The following BCAS3 variants were observed in gnomAD, a reference collection of about 807,000 sequenced individuals.
The protein encoded by BCAS3 is BCAS3 microtubule associated cell migration factor, also known as BCAS4/BCAS3 fusion.
A neutral mutation model predicts 116.1 loss-of-function variants in BCAS3; 53 were observed. That is an observed-to-expected ratio of 0.46 (90% confidence interval 0.37 to 0.57). The LOEUF (loss-of-function observed/expected upper bound fraction) is 0.57, where lower values mean the gene tolerates loss of function less well. BCAS3 is among the 20% of genes least tolerant of loss of function. The probability of loss-of-function intolerance (pLI) is 0.00; values close to 1 mark genes in which losing one functional copy is unlikely to be tolerated. For missense variants in BCAS3, 917 were observed against 1,165.4 expected, an observed-to-expected ratio of 0.79 and a Z score of 3.10; for synonymous variants, 391 against 408.2, an observed-to-expected ratio of 0.96 and a Z score of 0.51.
Position 60,774,256 on chromosome 17 carries a change from AT to A in BCAS3, c.403+26984del, listed in dbSNP as rs1334838765. ...CTAATGTTGTTAACCCATCCAGTGTATTTTTTTCTCTCAGACACTGCATTTT... is the reference window on the plus strand; with the variant it reads ...CTAATGTTGTTAACCCATCCAGTGTATTTTTTCTCTCAGACACTGCATTTT... On this transcript the variant is annotated intron_variant, in intron 6 of 23. Transcript: ENST00000407086. Among the ~76,000 whole-genome samples, 3 of 151,340 alleles carry A rather than the reference AT, an allele frequency of 2.0e-5. No individual in the cohort carries two copies. In the East Asian group the frequency reaches 5.8e-4, roughly 29 times the overall value.
At chr17:61,067,310 TATA>T (rs2070772861) in intron 19 of BCAS3, among the ~76,000 whole-genome samples, 6 of 136,510 alleles carry the variant, frequency 4.4e-5, no homozygotes, top group Non-Finnish European at 7.8e-5. Flanking sequence ...TATATATATA[TATA>T]TATTTATACA....
chr17:61,110,073 A>T (rs1426294510), intron 22 of BCAS3, among the ~76,000 whole-genome samples: 1 of 152,212 alleles, frequency 6.6e-6, no homozygotes, highest in African/African-American at 2.4e-5. Flanking sequence ...TTATGGTTTC[A>T]GGTCTTAGAT....
In BCAS3 at chr17:61,344,011, G is replaced by A. The variant is rs1398503991; in HGVS notation, c.2426-24316G>A. ...GAGTTGGCCAGATGAAATGTGGTTG[G>A]CAAGAAGGTCCTGAGTGTGCTGAGA... On this transcript the variant is annotated intron_variant, in intron 22 of 23. Transcript: ENST00000407086. This position sits in a 1 kb window ranked among gnomAD's most constrained non-coding sequence, Gnocchi z 4.1. 6.6e-6 allele frequency among the ~76,000 whole-genome samples: 1 copy of A among 152,164 alleles called. No homozygotes were observed. The highest frequency in any genetic ancestry group is 2.4e-5 in the African/African-American group (1 of 41,444).
At chr17:61,238,931 A>G (rs879503650) in intron 22 of BCAS3, among the ~76,000 whole-genome samples, 6 of 152,226 alleles carry the variant, frequency 3.9e-5, no homozygotes, top group Non-Finnish European at 4.4e-5. Context: ...CTTCATGGCT[A>G]GAAATAGCAA....
chr17:61,152,019 G>A (rs541301781), intron 22 of BCAS3, among the ~76,000 whole-genome samples: 1 of 152,328 alleles, frequency 6.6e-6, no homozygotes, highest in South Asian at 2.1e-4. Flanking sequence ...TTATAGTAGT[G>A]TGTCTGGAGT....
At chr17:61,067,271 G>GTATATATATATATATATA (rs1473028118) in intron 19 of BCAS3, among the ~76,000 whole-genome samples, 4 of 55,128 alleles carry the variant, frequency 7.3e-5, no homozygotes, top group African/African-American at 3.0e-4. Flanking sequence ...ATGTGTGTAT[G>GTATATATATATATATATA]TGTATATATA....
At chr17:61,076,476 G>A (rs1415292087) in intron 20 of BCAS3, among the ~76,000 whole-genome samples, 5 of 152,136 alleles carry the variant, frequency 3.3e-5, no homozygotes, top group East Asian at 1.9e-4. Flanking sequence ...GGCATGTGGC[G>A]GTCCATCCTT....
In BCAS3 at chr17:61,227,585, C is replaced by T. The variant is rs2082434615; in HGVS notation, c.2426-140742C>T. Among the ~76,000 whole-genome samples the T allele has an allele frequency of 6.6e-6, 1 of 152,198 alleles. No homozygotes were observed. Among genetic ancestry groups the T allele is most frequent in the Admixed American group, 6.5e-5 (1 of 15,278 alleles). ...CAGGCCTGTGTGCTGGGGAGACCTT[C>T]TGTGCCCTAAGGCCACATGGCCGAG... On this transcript the variant is annotated intron_variant, in intron 22 of 23. Coordinates refer to ENST00000407086, the MANE Select transcript of BCAS3 (RefSeq NM_017679.5). The surrounding 1 kb of genome is among the most constrained non-coding windows in gnomAD (Gnocchi z 6.1).
chr17:60,845,144 G>T (rs927876388), intron 7 of BCAS3, among the ~76,000 whole-genome samples: 1 of 152,164 alleles, frequency 6.6e-6, no homozygotes, highest in Non-Finnish European at 1.5e-5. Context: ...CAGGAGAATC[G>T]CTTGAACCCA....
intron 7 of BCAS3, among the ~76,000 whole-genome samples, chr17:60,844,868 T>G (rs1468372734): frequency 6.6e-6 from 1 of 152,004 alleles, no homozygotes; most frequent in Non-Finnish European, 1.5e-5. Flanking sequence ...AGTAAAAAAG[T>G]TAATAAAGGT....
chr17:60,965,790 T>C (rs2061630969), intron 14 of BCAS3, among the ~76,000 whole-genome samples: 1 of 152,238 alleles, frequency 6.6e-6, no homozygotes, highest in Non-Finnish European at 1.5e-5. Flanking sequence ...GAATGTCCCA[T>C]GTGCTAGTAA....
At position 61,265,165 on chromosome 17, in the gene BCAS3, G is replaced by A. The variant is rs1002852324; in HGVS notation, c.2426-103162G>A. Among the ~76,000 whole-genome samples, 7 of 152,170 alleles carry A rather than the reference G, an allele frequency of 4.6e-5. No individual in the cohort carries two copies. The highest frequency in any genetic ancestry group is 1.0e-4 in the Non-Finnish European group (7 of 68,040). On this transcript the variant is annotated intron_variant, in intron 22 of 23. Coordinates refer to ENST00000407086, the MANE Select transcript of BCAS3 (RefSeq NM_017679.5). The surrounding 1 kb of genome is among the most constrained non-coding windows in gnomAD (Gnocchi z 4.3). ...GCAATGGCTCATGTCTGTAATCCCA[G>A]CACTTTGGGAGCCTGAGGCAGGCAG...
intron 7 of BCAS3, among the ~76,000 whole-genome samples, chr17:60,818,854 C>T (rs555056468): frequency 1.7e-4 from 26 of 152,162 alleles, no homozygotes; most frequent in African/African-American, 6.0e-4. Flanking sequence ...TGACAGCTGC[C>T]GCACTGGCAT....
Position 61,198,485 on chromosome 17 carries a change from CT to C in BCAS3, c.2425+113922del, listed in dbSNP as rs2080631117. 6.6e-6 allele frequency among the ~76,000 whole-genome samples: 1 copy of C among 152,126 alleles called. No individual in the cohort carries two copies. The highest frequency in any genetic ancestry group is 6.5e-5 in the Admixed American group (1 of 15,272). On this transcript the variant is annotated intron_variant, in intron 22 of 23. Coordinates refer to ENST00000407086, the MANE Select transcript of BCAS3 (RefSeq NM_017679.5). This position sits in a 1 kb window ranked among gnomAD's most constrained non-coding sequence, Gnocchi z 5.0. ...AATTCATTAATTTAAGTATTTTCTTCTATAATAGCTACAACAATTTTATACT... is the reference window on the plus strand; with the variant it reads ...AATTCATTAATTTAAGTATTTTCTTCATAATAGCTACAACAATTTTATACT...
intron 22 of BCAS3, among the ~76,000 whole-genome samples, chr17:61,094,367 C>A (rs947464084): frequency 6.6e-6 from 1 of 152,180 alleles, no homozygotes; most frequent in South Asian, 2.1e-4. Context: ...CTGAATAAAA[C>A]AAACTATGTT....
rs892524619 is a variant in BCAS3, at chr17:61,315,702, C to T, written c.2426-52625C>T. 6.6e-6 allele frequency among the ~76,000 whole-genome samples: 1 copy of T among 152,186 alleles called. No individual in the cohort carries two copies. Among genetic ancestry groups the T allele is most frequent in the Non-Finnish European group, 1.5e-5 (1 of 68,026 alleles). On this transcript the variant is annotated intron_variant, in intron 22 of 23. Transcript: ENST00000407086. The surrounding 1 kb of genome is among the most constrained non-coding windows in gnomAD (Gnocchi z 5.3). The stretch of plus-strand genomic sequence containing the variant: ...GAATGTGACCAGGCTGACTGACCCC[C>T]CGTTTCATGCCCCACGCCTTTGCTG...
At chr17:60,751,135 A>G (rs1345633347) in intron 6 of BCAS3, among the ~76,000 whole-genome samples, 1 of 152,222 alleles carries the variant, frequency 6.6e-6, no homozygotes, top group Non-Finnish European at 1.5e-5. Flanking sequence ...GGATGTCTTC[A>G]TATCCCACAG....
At position 61,235,264 on chromosome 17, in the gene BCAS3, G is replaced by C. The variant is rs959088489; in HGVS notation, c.2426-133063G>C. 5.9e-5 allele frequency among the ~76,000 whole-genome samples: 9 copies of C among 152,302 alleles called. No individual in the cohort carries two copies. Among genetic ancestry groups the C allele is most frequent in the African/African-American group, 2.2e-4 (9 of 41,568 alleles). Reference sequence around the variant, plus strand: ...CTTTGAAAAGAGTGGCCAGGTGAAGGCTGAAGGACCGGATAAGTGTAGTTT... The same window carrying C: ...CTTTGAAAAGAGTGGCCAGGTGAAGCCTGAAGGACCGGATAAGTGTAGTTT... On this transcript the variant is annotated intron_variant, in intron 22 of 23. Coordinates refer to ENST00000407086, the MANE Select transcript of BCAS3 (RefSeq NM_017679.5). The surrounding 1 kb of genome is among the most constrained non-coding windows in gnomAD (Gnocchi z 5.0).
In BCAS3 at chr17:61,162,920, CTT is replaced by C. The variant is rs941298262; in HGVS notation, c.2425+78357_2425+78358del. On this transcript the variant is annotated intron_variant, in intron 22 of 23. Transcript: ENST00000407086. The surrounding 1 kb of genome is among the most constrained non-coding windows in gnomAD (Gnocchi z 5.6). ...CTTAATAAATTATATACATATATAT[CTT>C]GCTTAAGTTTTATAGGTAATCCTGG... is the stretch of plus-strand genomic sequence containing the variant. 9.2e-5 allele frequency among the ~76,000 whole-genome samples: 14 copies of C among 152,122 alleles called. No homozygotes were observed. Among genetic ancestry groups the C allele is most frequent in the African/African-American group, 3.4e-4 (14 of 41,436 alleles).
Sources: gnomAD v4.1 joint callset for allele counts (sites outside exome capture counted in the v4.1 genomes callset) on GRCh38, gnomAD v4.1.1 for gene constraint, Gnocchi (gnomAD v3.1) non-coding constraint, MANE v1.5 for transcripts, NCBI Gene and HGNC (gene_info 2026-07-23, HGNC 2026-07-21) for gene names.